ADSL: variants seen among roughly 807,000 people sequenced by gnomAD.
The protein encoded by ADSL is adenylosuccinase.
A neutral mutation model predicts 62.1 loss-of-function variants in ADSL; 44 were observed. The ratio of observed to expected loss-of-function variants is 0.71; its 90% CI spans 0.56 to 0.91. ADSL has a LOEUF of 0.91. ADSL is among the 40% of genes least tolerant of loss of function. The pLI is 0.00. For missense variants in ADSL, 531 were observed against 627.4 expected (o/e 0.85, Z 1.64); for synonymous variants, 198 against 220.5 (o/e 0.90, Z 0.90).
chr22:40,352,326 G>T (rs542402789), intron 2 of ADSL, among the ~76,000 whole-genome samples: 6 of 152,172 alleles, frequency 3.9e-5, no homozygotes, highest in Admixed American at 3.9e-4. Flanking sequence ...AGGTGATTGA[G>T]ACCATCCTGG....
rs71718801 is a variant in ADSL, at chr22:40,366,979, T to TAAA, written c.*472_*474dup. On this transcript the variant is annotated 3_prime_UTR_variant, in exon 13 of 13. Transcript: ENST00000623063. ...GAAGTTTGGAACTACAGTAAATACT[T>TAAA]AAAAAAAAAAAAAAAAAGAACCAAA... The TAAA allele has an allele frequency of 2.3e-4, 31 of 136,012 alleles. No individual in the cohort carries two copies. Among genetic ancestry groups the TAAA allele is most frequent in the South Asian group, 8.4e-4 (4 of 4,764 alleles). The allele number at this position is 136,012 out of a possible 1,614,324, so 8.4% of individuals were successfully genotyped here. A position where few individuals can be genotyped will look rare whatever the true frequency, so the allele number is the denominator to read the frequency against.
At chr22:40,386,844 T>A (rs1458195459) in intron 2 of ADSL, among the ~76,000 whole-genome samples, 1 of 152,182 alleles carries the variant, frequency 6.6e-6, no homozygotes. Context: ...TAATGGTCTC[T>A]AAATATAGGT....
At chr22:40,381,293 G>A (rs1315687208) in intron 2 of ADSL, among the ~76,000 whole-genome samples, 2 of 151,990 alleles carry the variant, frequency 1.3e-5, no homozygotes, top group African/African-American at 2.4e-5. Context: ...GACTACAGGT[G>A]TGCACCACCA....
downstream of ADSL, among the ~76,000 whole-genome samples, chr22:40,371,742 G>T (rs1038097317): frequency 2.0e-5 from 3 of 151,838 alleles, no homozygotes; most frequent in Admixed American, 6.6e-5. Context: ...TCTTGCCCGG[G>T]CTGGAGTGCA....
At chr22:40,351,110 T>C (rs1001046257) in intron 2 of ADSL, among the ~76,000 whole-genome samples, 3 of 152,034 alleles carry the variant, frequency 2.0e-5, no homozygotes, top group African/African-American at 7.2e-5. Flanking sequence ...TTCTCCCACC[T>C]CGGGCTCCTG....
At chr22:40,373,969 G>A (rs1223994613), downstream of ADSL, among the ~76,000 whole-genome samples, 2 of 150,290 alleles carry the variant, frequency 1.3e-5, no homozygotes, top group Admixed American at 1.3e-4. Flanking sequence ...TTATTTTTGA[G>A]ACGGAGTCTC....
intron 7 of ADSL, chr22:40,360,943 C>T: frequency 2.6e-6 from 1 of 389,944 alleles, no homozygotes; most frequent in African/African-American, 2.1e-5. Flanking sequence ...TCAGGTGATC[C>T]ACCCACCTCA....
At chr22:40,386,038 T>G (rs896439433) in intron 2 of ADSL, among the ~76,000 whole-genome samples, 1 of 150,226 alleles carries the variant, frequency 6.7e-6, no homozygotes, top group African/African-American at 2.5e-5. Flanking sequence ...TTTTTTTTTG[T>G]TTTTTTTGTT....
chr22:40,359,151 A>G, intron 5 of ADSL, 109 bp from the exon 6 acceptor site: 2 of 1,585,418 alleles, frequency 1.3e-6, no homozygotes, highest in Non-Finnish European at 1.7e-6. Context: ...TCTTTCGACT[A>G]GAAGGAAGTT....
downstream of ADSL, chr22:40,372,960 G>A (rs1295002576): frequency 6.6e-6 from 1 of 152,174 alleles, no homozygotes; most frequent in Admixed American, 6.5e-5. Flanking sequence ...CTGTCACAAG[G>A]AAATGGGAAT....
chr22:40,350,665 C>A (rs866745280), intron 2 of ADSL, among the ~76,000 whole-genome samples: 1 of 151,794 alleles, frequency 6.6e-6, no homozygotes, highest in Non-Finnish European at 1.5e-5. Context: ...GTCACCCAGG[C>A]GGGAGTGCAG....
chr22:40,351,172 AT>A (rs1291583819), intron 2 of ADSL, among the ~76,000 whole-genome samples: 216 of 143,556 alleles, frequency 1.5e-3, no homozygotes, highest in South Asian at 2.5e-3. Flanking sequence ...TTAAAAAAAA[AT>A]TTTTTTTTTT....
intron 7 of ADSL, 84 bp from the exon 8 acceptor site, chr22:40,361,189 C>G (rs758903482): frequency 1.0e-4 from 136 of 1,309,422 alleles, no homozygotes; most frequent in Non-Finnish European, 1.4e-4. Flanking sequence ...AAGAGCTCAT[C>G]TCCTTCATCA....
chr22:40,378,895 C>A (rs2047089166), intron 2 of ADSL, among the ~76,000 whole-genome samples: 2 of 152,104 alleles, frequency 1.3e-5, no homozygotes, highest in South Asian at 2.1e-4. Flanking sequence ...CCTCACTTTT[C>A]CAACCTAGTC....
chr22:40,359,476 C>CTTT (rs56719087), intron 6 of ADSL, among the ~76,000 whole-genome samples, 170 bp downstream of exon 6: 56 of 43,850 alleles, frequency 1.3e-3, no homozygotes, highest in East Asian at 2.1e-3. Flanking sequence ...TATCTGGATT[C>CTTT]TTTTTTTTTT....
At chr22:40,361,856 G>A (rs931838882) in intron 9 of ADSL, among the ~76,000 whole-genome samples, 2 of 152,216 alleles carry the variant, frequency 1.3e-5, no homozygotes, top group African/African-American at 2.4e-5. Flanking sequence ...TAGTGTTTGA[G>A]GAGTCAGAAA....
chr22:40,358,461 G>A (rs1283977528), intron 4 of ADSL, among the ~76,000 whole-genome samples: 1 of 152,136 alleles, frequency 6.6e-6, no homozygotes, highest in Non-Finnish European at 1.5e-5. Context: ...TTGCATGCCT[G>A]TGGTCCCAGC....
intron 2 of ADSL, among the ~76,000 whole-genome samples, chr22:40,380,966 G>A (rs766149890): frequency 1.3e-5 from 2 of 151,998 alleles, no homozygotes; most frequent in African/African-American, 4.8e-5. Context: ...AATACAAGTT[G>A]CTGCAGCTTC....
intron 2 of ADSL, among the ~76,000 whole-genome samples, chr22:40,351,522 G>T (rs2044347862): frequency 6.6e-6 from 1 of 151,912 alleles, no homozygotes; most frequent in South Asian, 2.1e-4. Context: ...GCCCAGAATG[G>T]CCTTGAACTC....
Sources: gnomAD v4.1 joint callset for allele counts (sites outside exome capture counted in the v4.1 genomes callset) on GRCh38, gnomAD v4.1.1 for gene constraint, MANE v1.5 for transcripts, NCBI Gene and HGNC (gene_info 2026-07-23, HGNC 2026-07-21) for gene names.